The following NEDD9 variants were observed in gnomAD, a reference collection of about 807,000 sequenced individuals.
The protein encoded by NEDD9 is neural precursor cell expressed, developmentally down-regulated 9.
NEDD9 carries 26 observed loss-of-function variants against 76.6 expected under a neutral mutation model. The observed-to-expected ratio is 0.34, with a 90% CI of 0.25 to 0.47. The LOEUF (loss-of-function observed/expected upper bound fraction) is 0.47, where lower values mean the gene tolerates loss of function less well. Ranked by LOEUF, NEDD9 falls within the 20% of genes least tolerant of loss-of-function variation. NEDD9 has a pLI of 1.00. For synonymous variants in NEDD9, 392 were observed against 414.2 expected (o/e 0.95, Z 0.65); for missense variants, 937 against 1,058.5 (o/e 0.89, Z 1.59).
At chr6:11,277,196 A>G (rs1760435835) in intron 3 of NEDD9, among the ~76,000 whole-genome samples, 1 of 152,236 alleles carries the variant, frequency 6.6e-6, no homozygotes, top group Admixed American at 6.5e-5. Context: ...TTGTCCTTAC[A>G]CTTAAAATGG....
At chr6:11,232,775 T>G, upstream of NEDD9, 3 of 1,263,186 alleles carry the variant, frequency 2.4e-6, no homozygotes, top group Non-Finnish European at 3.1e-6. Flanking sequence ...CCACCCCTAA[T>G]TCTGAAAAAC....
chr6:11,303,380 T>C (rs1273333441), intron 3 of NEDD9, among the ~76,000 whole-genome samples: 1 of 152,120 alleles, frequency 6.6e-6, no homozygotes, highest in African/African-American at 2.4e-5. Flanking sequence ...CACAAACAAA[T>C]GGAAGAACAT....
chr6:11,190,181 C>T lies in NEDD9; in HGVS notation c.1688G>A (p.Ser563Asn), dbSNP rs1468944890. Residue 563 changes from serine to asparagine, a missense_variant, in exon 5 of 7, where the codon AGC becomes AAC. Physicochemically the swap from Ser to Asn is conservative, Grantham distance 46. Transcript: ENST00000379446. This position sits in a 1 kb window ranked among gnomAD's most constrained non-coding sequence, Gnocchi z 5.8. Reference sequence around the variant, plus strand: ...CTCCGGCCCATTCTTCAGATGCAAGCTGCCAGGGCCGGGTCTGAAGAGGGC... The same window carrying T: ...CTCCGGCCCATTCTTCAGATGCAAGTTGCCAGGGCCGGGTCTGAAGAGGGC... The part of the protein sequence containing the change: ...AEALFRPGPG[S>N]LHLKNGPESI... 2 of 1,614,106 alleles carry T rather than the reference C, an allele frequency of 1.2e-6. No homozygotes were observed. The highest frequency in any genetic ancestry group is 1.7e-6 in the Non-Finnish European group (2 of 1,180,042).
At position 11,190,962 on chromosome 6, in the gene NEDD9, G is replaced by A. The variant is rs747340759; in HGVS notation, c.907C>T (p.Pro303Ser). The A allele has an allele frequency of 1.9e-5, 31 of 1,614,070 alleles. No homozygotes were observed. In the East Asian group the frequency reaches 2.0e-4, roughly 10 times the overall value. Residue 303 changes from proline to serine, a missense_variant, in exon 5 of 7, where the codon CCC becomes TCC. Pro to Ser is a moderately conservative substitution (Grantham distance 74, BLOSUM62 -1). Coordinates refer to ENST00000379446, the MANE Select transcript of NEDD9 (RefSeq NM_006403.4). This position sits in a 1 kb window ranked among gnomAD's most constrained non-coding sequence, Gnocchi z 5.8. ...RHQSLSPNHPPPQLGQSVGSQ... is the reference protein window; with the variant it reads ...RHQSLSPNHPSPQLGQSVGSQ... ...CCCACTGACTGTCCGAGTTGCGGGG[G>A]TGGGTGATTCGGGGACAGGCTCTGG...
At chr6:11,306,184 TTGG>T in intron 2 of NEDD9, 1 of 735,632 alleles carries the variant, frequency 1.4e-6, no homozygotes, top group Non-Finnish European at 2.3e-6. Context: ...GATGGAAAGG[TTGG>T]TAAGATCTGA....
chr6:11,304,727 G>A (rs1323255928), intron 3 of NEDD9, among the ~76,000 whole-genome samples: 1 of 152,178 alleles, frequency 6.6e-6, no homozygotes, highest in African/African-American at 2.4e-5. Context: ...AACATTGCAT[G>A]TTCTCACTCA....
chr6:11,280,426 C>T (rs1208379885), intron 3 of NEDD9, among the ~76,000 whole-genome samples: 1 of 152,168 alleles, frequency 6.6e-6, no homozygotes, highest in East Asian at 1.9e-4. Flanking sequence ...GGGAACTTTC[C>T]AGCAGTCAGA....
In NEDD9 at chr6:11,213,235, A is replaced by G. The variant is rs12215094; in HGVS notation, c.459+46T>C. The G allele has an allele frequency of 0.22, 319,923 of 1,455,368 alleles. 36,752 individuals carry two copies. The highest frequency in any genetic ancestry group is 0.44 in the African/African-American group (30,893 of 70,646). 90.2% of individuals were successfully genotyped at this position (1,455,368 alleles called of 1,614,324 possible). ...TTCCAAATGCTCCAAGTGTAATGGGAAAAAAAAATAAGTAGGAACAAAAAT... is the reference window on the plus strand; with the variant it reads ...TTCCAAATGCTCCAAGTGTAATGGGGAAAAAAAATAAGTAGGAACAAAAAT... On this transcript the variant is annotated intron_variant, in intron 2 of 6. Transcript: ENST00000379446. The surrounding 1 kb of genome is among the most constrained non-coding windows in gnomAD (Gnocchi z 5.4).
intron 3 of NEDD9, among the ~76,000 whole-genome samples, chr6:11,282,317 G>A (rs1760553221): frequency 6.6e-6 from 1 of 152,162 alleles, no homozygotes; most frequent in Non-Finnish European, 1.5e-5. Flanking sequence ...CGACAACCCT[G>A]GCTGTTCCCT....
intron 1 of NEDD9, among the ~76,000 whole-genome samples, chr6:11,359,817 T>C (rs910962023): frequency 3.9e-5 from 6 of 152,220 alleles, no homozygotes; most frequent in Non-Finnish European, 8.8e-5. Context: ...TTGAAGGAGT[T>C]TAATGTGTTG....
chr6:11,216,847 T>C (rs1342065994), intron 1 of NEDD9, among the ~76,000 whole-genome samples: 1 of 152,226 alleles, frequency 6.6e-6, no homozygotes, highest in African/African-American at 2.4e-5. Flanking sequence ...ATATGTTTTG[T>C]ACCTATCTGA....
At chr6:11,208,837 G>A (rs1009594568) in intron 2 of NEDD9, among the ~76,000 whole-genome samples, 4 of 152,226 alleles carry the variant, frequency 2.6e-5, no homozygotes, top group African/African-American at 9.7e-5. Flanking sequence ...GCAGAGAAAT[G>A]AGACTATTTT....
chr6:11,232,812 T>C, upstream of NEDD9: 1 of 922,966 alleles, frequency 1.1e-6, no homozygotes, highest in Non-Finnish European at 1.5e-6. Context: ...ATGTGATCGC[T>C]TCTTTTTGCT....
intron 3 of NEDD9, among the ~76,000 whole-genome samples, chr6:11,281,177 T>C (rs1031348559): frequency 6.6e-6 from 1 of 152,240 alleles, no homozygotes. Flanking sequence ...GTATCAGTTG[T>C]TGAACCAAGA....
chr6:11,244,260 T>TAC (rs148837935), intron 3 of NEDD9, among the ~76,000 whole-genome samples: 92 of 151,150 alleles, frequency 6.1e-4, no homozygotes, highest in African/African-American at 1.8e-3. Flanking sequence ...TCTTTCTCTT[T>TAC]ACACACACAC....
chr6:11,319,838 A>G (rs1439570567), intron 2 of NEDD9, among the ~76,000 whole-genome samples: 2 of 150,874 alleles, frequency 1.3e-5, no homozygotes, highest in Non-Finnish European at 3.0e-5. Flanking sequence ...AAATACACTC[A>G]CGCACTCATG....
rs773849732 is a variant in NEDD9 at position 11,191,021 on chromosome 6, A to G, written c.848T>C (p.Ile283Thr). The change falls in exon 5 of 7, where the codon ATT (isoleucine) becomes ACT (threonine). Residue 283 changes from isoleucine (I) to threonine (T), a missense_variant. Ile to Thr is a moderately conservative substitution (Grantham distance 89). Coordinates refer to ENST00000379446, the MANE Select transcript of NEDD9 (RefSeq NM_006403.4). Reference protein sequence around the residue: ...KDLHVKYNCDIPGAAEPVARR... With the variant: ...KDLHVKYNCDTPGAAEPVARR... ...AGCCACCGGTTCTGCAGCTCCTGGA[A>G]TGTCACAGTTGTATTTTACATGAAG... 4 of 1,613,750 alleles carry G rather than the reference A, an allele frequency of 2.5e-6. No homozygotes were observed. The highest frequency in any genetic ancestry group is 3.4e-6 in the Non-Finnish European group (4 of 1,179,998).
chr6:11,272,799 C>T (rs1313696737), intron 3 of NEDD9, among the ~76,000 whole-genome samples: 5 of 152,168 alleles, frequency 3.3e-5, no homozygotes, highest in East Asian at 1.9e-4. Context: ...TCTTTGTTTT[C>T]GGCTTCATCC....
At chr6:11,262,436 C>T (rs1279758294) in intron 3 of NEDD9, among the ~76,000 whole-genome samples, 1 of 152,166 alleles carries the variant, frequency 6.6e-6, no homozygotes, top group Non-Finnish European at 1.5e-5. Context: ...GTCTAAATTC[C>T]CTTCCTGTCC....
Sources: allele counts gnomAD v4.1 joint callset (sites outside exome capture counted in the v4.1 genomes callset), GRCh38; gene constraint gnomAD v4.1.1; non-coding constraint Gnocchi (gnomAD v3.1); transcripts MANE v1.5; gene names NCBI Gene and HGNC (gene_info 2026-07-23, HGNC 2026-07-21).